ESRRG: variants seen among roughly 807,000 people sequenced by gnomAD.
The protein encoded by ESRRG is estrogen-related receptor gamma.
Under a neutral mutation model 44.0 loss-of-function variants are expected in ESRRG, and 13 were observed. The observed-to-expected ratio is 0.30, with a 90% CI of 0.19 to 0.47. The LOEUF (loss-of-function observed/expected upper bound fraction) is 0.47. ESRRG is among the 20% of genes least tolerant of loss of function. ESRRG has a pLI of 1.00. For missense variants in ESRRG, 395 were observed against 580.6 expected, an observed-to-expected ratio of 0.68 and a Z score of 3.29; for synonymous variants, 215 against 214.6, an observed-to-expected ratio of 1.00 and a Z score of -0.02.
intron 1 of ESRRG, among the ~76,000 whole-genome samples, chr1:216,975,365 C>A (rs1013336133): frequency 6.6e-6 from 1 of 152,160 alleles, no homozygotes; most frequent in African/African-American, 2.4e-5. Flanking sequence ...AAAGAAGCAA[C>A]CTCTGTTTAA....
rs2095001062 is a variant in ESRRG at position 216,812,395 on chromosome 1, A to T, written c.-14+127187T>A. The stretch of plus-strand genomic sequence containing the variant: ...ATATCTGCACAACCACTCAATGGGT[A>T]ATTTTTCTATTTACTTATTTCGGGG... On this transcript the variant is annotated intron_variant, in intron 2 of 7. Transcript: ENST00000359162. Among the ~76,000 whole-genome samples, 4 of 152,332 alleles carry T rather than the reference A, an allele frequency of 2.6e-5. No individual in the cohort carries two copies. The Middle Eastern group carries it at 0.01, about 389-fold the overall frequency.
chr1:216,947,670 C>T (rs116159069), intron 1 of ESRRG, among the ~76,000 whole-genome samples: 3 of 152,098 alleles, frequency 2.0e-5, no homozygotes, highest in Admixed American at 6.5e-5. Context: ...CACTGAAAAG[C>T]GTTTTTCTTT....
At chr1:216,750,756 T>G (rs540369997) in intron 2 of ESRRG, among the ~76,000 whole-genome samples, 2,071 of 30,232 alleles carry the variant, frequency 0.069, 37 homozygotes, top group Middle Eastern at 0.091. Flanking sequence ...AGAGAGTTAT[T>G]TACCTTTTTT....
intron 1 of ESRRG, among the ~76,000 whole-genome samples, chr1:217,132,468 T>C (rs2092979166): frequency 6.6e-6 from 1 of 152,160 alleles, no homozygotes; most frequent in African/African-American, 2.4e-5. Context: ...ATTTCAAGGC[T>C]CATAAAGTTA....
At chr1:216,836,692 G>A (rs548826111) in intron 2 of ESRRG, among the ~76,000 whole-genome samples, 2 of 152,264 alleles carry the variant, frequency 1.3e-5, no homozygotes, top group East Asian at 3.9e-4. Flanking sequence ...AGCATCAAGT[G>A]GTGCAGTGGC....
At chr1:216,932,038 T>C (rs12739448) in intron 2 of ESRRG, among the ~76,000 whole-genome samples, 5,341 of 152,092 alleles carry the variant, frequency 0.035, 124 homozygotes, top group Non-Finnish European at 0.048. Context: ...ACGTGGTCTC[T>C]ACTAAAAATA....
In ESRRG at chr1:216,505,187, T is replaced by G. The variant is rs748844326; in HGVS notation, c.*1752A>C. 1 of 152,682 alleles carries G rather than the reference T, an allele frequency of 6.5e-6. No individual in the cohort carries two copies. Among genetic ancestry groups the G allele is most frequent in the Non-Finnish European group, 1.5e-5 (1 of 68,046 alleles). 9.5% of individuals were successfully genotyped at this position (152,682 alleles called of 1,614,324 possible). ...GCAGCTACTAACACTGGTCCATTGG[T>G]ATAGCATTTGATGGAGGTTACTGTT... On this transcript the variant is annotated 3_prime_UTR_variant, in exon 7 of 7. Transcript: ENST00000408911.
At chr1:216,917,050 A>G (rs1347187066) in intron 2 of ESRRG, among the ~76,000 whole-genome samples, 3 of 150,646 alleles carry the variant, frequency 2.0e-5, no homozygotes. Context: ...ATCTGGGCTC[A>G]ATTGAACCTC....
At chr1:216,732,116 A>G (rs967525286) in intron 2 of ESRRG, among the ~76,000 whole-genome samples, 4 of 112,052 alleles carry the variant, frequency 3.6e-5, no homozygotes, top group Admixed American at 3.5e-4. Context: ...AAAATAAAAA[A>G]AGAAAATAAA....
At chr1:216,563,405 T>G (rs2059138174) in intron 5 of ESRRG, among the ~76,000 whole-genome samples, 1 of 152,188 alleles carries the variant, frequency 6.6e-6, no homozygotes, top group Admixed American at 6.6e-5. Flanking sequence ...GGAAAGGGAC[T>G]TCCATCAATT....
At chr1:216,823,350 G>T (rs1055296039) in intron 2 of ESRRG, among the ~76,000 whole-genome samples, 3 of 152,118 alleles carry the variant, frequency 2.0e-5, no homozygotes, top group African/African-American at 7.2e-5. Flanking sequence ...CCACAGTACT[G>T]TTGTATATAA....
rs1187151636 is a variant in ESRRG, at chr1:217,087,149, T to A, written c.-106+2358A>T. On this transcript the variant is annotated intron_variant, in intron 1 of 7. Transcript: ENST00000359162. ...AGGATCCATTTCAAACATAAGCCCA[T>A]TACCTCTGGCGGGCTTTCGCTAAAA... Among the ~76,000 whole-genome samples the A allele has an allele frequency of 3.3e-5, 5 of 152,172 alleles. No homozygotes were observed. In the South Asian group the frequency reaches 8.3e-4, roughly 25 times the overall value.
chr1:216,946,634 A>T (rs1008233965), intron 1 of ESRRG, among the ~76,000 whole-genome samples: 11 of 152,190 alleles, frequency 7.2e-5, no homozygotes, highest in African/African-American at 2.4e-4. Context: ...GCCAATTAAG[A>T]TCTGAGCATC....
At chr1:216,598,180 T>C (rs2058707132) in intron 3 of ESRRG, among the ~76,000 whole-genome samples, 1 of 152,330 alleles carries the variant, frequency 6.6e-6, no homozygotes, top group East Asian at 1.9e-4. Flanking sequence ...TCCATTTATA[T>C]TGTTTTATAG....
At chr1:216,590,104 T>C (rs1441215710) in intron 3 of ESRRG, among the ~76,000 whole-genome samples, 1 of 151,898 alleles carries the variant, frequency 6.6e-6, no homozygotes, top group African/African-American at 2.4e-5. Flanking sequence ...TTTCAATCAA[T>C]CCTGATGAAA....
intron 1 of ESRRG, among the ~76,000 whole-genome samples, chr1:216,958,190 T>C (rs1232813315): frequency 6.6e-6 from 1 of 152,198 alleles, no homozygotes; most frequent in Non-Finnish European, 1.5e-5. Context: ...TGATGGACAT[T>C]TGGGGTTGTT....
At chr1:216,814,273 T>C (rs934710472) in intron 2 of ESRRG, among the ~76,000 whole-genome samples, 1 of 152,156 alleles carries the variant, frequency 6.6e-6, no homozygotes, top group Non-Finnish European at 1.5e-5. Context: ...GCTTATTTAG[T>C]ATTTATTTTT....
At chr1:216,648,653 T>C (rs540646079) in intron 3 of ESRRG, among the ~76,000 whole-genome samples, 3 of 152,306 alleles carry the variant, frequency 2.0e-5, no homozygotes, top group African/African-American at 7.2e-5. Flanking sequence ...ATGTAAATCA[T>C]AGCAGTAAAT....
intron 1 of ESRRG, among the ~76,000 whole-genome samples, chr1:216,944,786 CA>C (rs1380161495): frequency 1.3e-5 from 2 of 152,096 alleles, no homozygotes; most frequent in African/African-American, 4.8e-5. Context: ...TTGCTAATGA[CA>C]CCAAGAGTGA....
Sources: allele counts gnomAD v4.1 joint callset (sites outside exome capture counted in the v4.1 genomes callset), GRCh38; gene constraint gnomAD v4.1.1; transcripts MANE v1.5; gene names NCBI Gene and HGNC (gene_info 2026-07-23, HGNC 2026-07-21).